Variants in WSCD1 observed in about 807,000 individuals in gnomAD.
WSCD1 encodes WSC domain sialate O sulfotransferase 1.
Under a neutral mutation model 60.4 loss-of-function variants are expected in WSCD1, and 41 were observed. The observed-to-expected ratio is 0.68, with a 90% CI of 0.53 to 0.88. WSCD1 has a LOEUF of 0.88. Among genes scored for constraint, WSCD1 ranks in the 40% least tolerant of loss-of-function variants. The pLI, the probability that WSCD1 is intolerant of heterozygous loss-of-function variation, is 0.00. For missense variants in WSCD1, 784 were observed against 796.2 expected (o/e 0.98, Z 0.18); for synonymous variants, 361 against 332.5 (o/e 1.09, Z -0.93).
intron 2 of WSCD1, among the ~76,000 whole-genome samples, chr17:6,081,573 T>C (rs547840058): frequency 6.6e-6 from 1 of 151,834 alleles, no homozygotes; most frequent in South Asian, 2.1e-4. Flanking sequence ...TAGCCGGGTG[T>C]GGTGGCGCAT....
chr17:6,088,071 CTG>C lies in WSCD1; in HGVS notation c.511_512del (p.Val171LeufsTer9), dbSNP rs1567552571. ...GTGTTTTATGACTTGAGAAAGATGA[CTG>C]TCTCCCACTGCCAGGATGCGTGTGC... is the stretch of plus-strand genomic sequence containing the variant. On this transcript the variant is annotated frameshift_variant, in exon 3 of 9. Transcript: ENST00000317744. LOFTEE classifies it high-confidence loss of function. 6.2e-7 allele frequency: 1 copy of C among 1,614,212 alleles called. No individual in the cohort carries two copies. The highest frequency in any genetic ancestry group is 8.5e-7 in the Non-Finnish European group (1 of 1,180,030).
At chr17:6,093,951 G>A (rs1910220383) in intron 4 of WSCD1, among the ~76,000 whole-genome samples, 2 of 152,212 alleles carry the variant, frequency 1.3e-5, no homozygotes, top group South Asian at 4.1e-4. Flanking sequence ...AGGTGCTGTG[G>A]TCAGTTGAGA....
intron 1 of WSCD1, among the ~76,000 whole-genome samples, chr17:6,077,750 G>A (rs1169395760): frequency 3.3e-5 from 5 of 152,152 alleles, no homozygotes; most frequent in African/African-American, 7.2e-5. Context: ...TCAAAATTCC[G>A]AATTGTTGAA....
At chr17:6,116,400 TCACACACA>T (rs33955613) in intron 7 of WSCD1, among the ~76,000 whole-genome samples, 1 of 150,510 alleles carries the variant, frequency 6.6e-6, no homozygotes, top group Non-Finnish European at 1.5e-5. Context: ...GACAGAGTGA[TCACACACA>T]CACACACACA....
At chr17:6,076,323 A>T (rs771232772) in intron 1 of WSCD1, among the ~76,000 whole-genome samples, 9 of 152,170 alleles carry the variant, frequency 5.9e-5, no homozygotes, top group Non-Finnish European at 1.3e-4. Context: ...CACACTGCAA[A>T]TGCTTCATAA....
Position 6,118,201 on chromosome 17 carries a change from C to T in WSCD1, c.1375+13C>T, listed in dbSNP as rs1188218025. 8.1e-6 allele frequency: 13 copies of T among 1,612,958 alleles called. No homozygotes were observed. The highest frequency in any genetic ancestry group is 5.0e-5 in the Admixed American group (3 of 59,966). ...TGGAAGAGCAAAGGTAATCAAGGAC[C>T]TTGCGGTGGGGGTGGGAGGCTTGTC... On this transcript the variant is annotated intron_variant, in intron 8 of 8. Coordinates refer to ENST00000317744, the MANE Select transcript of WSCD1 (RefSeq NM_015253.2). The surrounding 1 kb of genome is among the most constrained non-coding windows in gnomAD (Gnocchi z 5.8).
chr17:6,102,221 T>C (rs1157147491), intron 5 of WSCD1, among the ~76,000 whole-genome samples: 1 of 152,242 alleles, frequency 6.6e-6, no homozygotes, highest in Non-Finnish European at 1.5e-5. Context: ...TGGAAAAGCA[T>C]GCATTAATAT....
At chr17:6,078,399 G>A (rs1331509391) in intron 1 of WSCD1, among the ~76,000 whole-genome samples, 1 of 152,226 alleles carries the variant, frequency 6.6e-6, no homozygotes, top group African/African-American at 2.4e-5. Context: ...CTTCAGGGAA[G>A]CTTTCTCTGA....
At chr17:6,087,791 G>T (rs1909755304) in intron 2 of WSCD1, among the ~76,000 whole-genome samples, 199 bp from the exon 3 acceptor site, 1 of 152,240 alleles carries the variant, frequency 6.6e-6, no homozygotes, top group Non-Finnish European at 1.5e-5. Flanking sequence ...GAGAAAATGG[G>T]CAGGAAACAA....
rs546183293 is a variant in WSCD1, at chr17:6,080,949, C to T, written c.291C>T (p.Pro97=). 101 of 1,563,552 alleles carry T rather than the reference C, an allele frequency of 6.5e-5. No homozygotes were observed. Among genetic ancestry groups the T allele is most frequent in the Admixed American group, 2.1e-4 (11 of 52,930 alleles). ...MLQSPLTRPR[P]GPRWLRSRNS... ...AGAGCCCCCTGACCCGGCCCCGGCC[C>T]GGCCCCCGCTGGCTCCGGAGCCGCA... is the stretch of plus-strand genomic sequence containing the variant. Residue 97 remains proline, a synonymous_variant, in exon 2 of 9, where the codon CCC becomes CCT. Coordinates refer to ENST00000317744, the MANE Select transcript of WSCD1 (RefSeq NM_015253.2). This position sits in a 1 kb window ranked among gnomAD's most constrained non-coding sequence, Gnocchi z 6.6.
rs1198682275 is a variant in WSCD1, at chr17:6,088,018, T to C, written c.456T>C (p.Asp152=). 6.2e-7 allele frequency: 1 copy of C among 1,614,148 alleles called. No homozygotes were observed. The highest frequency in any genetic ancestry group is 1.1e-5 in the South Asian group (1 of 91,088). The change falls in exon 3 of 9, where the codon GAT becomes GAC. Residue 152 remains aspartate, a synonymous_variant. Transcript: ENST00000317744. Reference sequence around the variant, plus strand: ...CCTACATTGGATGCTTCAGTGACGATGGCCACGAGAGGACTCTGAAAGGAG... The same window carrying C: ...CCTACATTGGATGCTTCAGTGACGACGGCCACGAGAGGACTCTGAAAGGAG... The part of the protein sequence containing the change: ...RGTYIGCFSD[D]GHERTLKGAV...
At chr17:6,091,770 G>A (rs1910057928) in intron 4 of WSCD1, among the ~76,000 whole-genome samples, 1 of 152,154 alleles carries the variant, frequency 6.6e-6, no homozygotes, top group African/African-American at 2.4e-5. Flanking sequence ...CACAGCCCAG[G>A]GTCCAGGCTC....
At chr17:6,095,862 G>A (rs890495969) in intron 5 of WSCD1, among the ~76,000 whole-genome samples, 1 of 152,208 alleles carries the variant, frequency 6.6e-6, no homozygotes. Flanking sequence ...TCGGGCTGGA[G>A]TCAGGCAGAC....
intron 7 of WSCD1, among the ~76,000 whole-genome samples, chr17:6,116,987 T>G (rs189294883): frequency 1.3e-5 from 2 of 152,364 alleles, no homozygotes; most frequent in Admixed American, 1.3e-4. Flanking sequence ...TTGGGATCCC[T>G]GCTCTTTGTT....
chr17:6,114,526 G>A (rs1040828539), intron 7 of WSCD1, among the ~76,000 whole-genome samples: 1 of 152,104 alleles, frequency 6.6e-6, no homozygotes, highest in South Asian at 2.1e-4. Flanking sequence ...TCAAAGAAAT[G>A]ATAAATGTTT....
Position 6,120,767 on chromosome 17 carries a change from G to A in WSCD1, c.*106G>A. ...CCGTGGCCTCACTGGGACGAACGGT[G>A]GGTGGGGGGCTCACCCTGGTGCTGC... On this transcript the variant is annotated 3_prime_UTR_variant, in exon 9 of 9. Transcript: ENST00000317744. 8.1e-7 allele frequency: 1 copy of A among 1,241,494 alleles called. No individual in the cohort carries two copies. Among genetic ancestry groups the A allele is most frequent in the Middle Eastern group, 2.5e-4 (1 of 3,922 alleles). 76.9% of individuals were successfully genotyped at this position (1,241,494 alleles called of 1,614,324 possible).
chr17:6,072,812 C>T (rs749463378), intron 1 of WSCD1, among the ~76,000 whole-genome samples: 1 of 152,158 alleles, frequency 6.6e-6, no homozygotes, highest in Non-Finnish European at 1.5e-5. Flanking sequence ...TGCTGACATA[C>T]GGCCTGAAAA....
intron 5 of WSCD1, among the ~76,000 whole-genome samples, chr17:6,096,458 G>A (rs1003609397): frequency 6.6e-6 from 1 of 151,972 alleles, no homozygotes; most frequent in Non-Finnish European, 1.5e-5. Flanking sequence ...GAACAAGGGG[G>A]CTGGACACCT....
In WSCD1 at chr17:6,075,141, C is replaced by T. The variant is rs555153915; in HGVS notation, c.-289+4489C>T. Among the ~76,000 whole-genome samples the T allele has an allele frequency of 5.3e-5, 8 of 152,300 alleles. No individual in the cohort carries two copies. Among genetic ancestry groups the T allele is most frequent in the Admixed American group, 2.6e-4 (4 of 15,302 alleles). On this transcript the variant is annotated intron_variant, in intron 1 of 8. Coordinates refer to ENST00000317744, the MANE Select transcript of WSCD1 (RefSeq NM_015253.2). The surrounding 1 kb of genome is among the most constrained non-coding windows in gnomAD (Gnocchi z 4.1). ...GCAACGTTCTGGGCCCTATTCTTGTCGCTGGGGCTCCTGCCCTGCAAAGAG... is the reference window on the plus strand; with the variant it reads ...GCAACGTTCTGGGCCCTATTCTTGTTGCTGGGGCTCCTGCCCTGCAAAGAG...
Sources: allele counts gnomAD v4.1 joint callset (sites outside exome capture counted in the v4.1 genomes callset), GRCh38; gene constraint gnomAD v4.1.1; non-coding constraint Gnocchi (gnomAD v3.1); transcripts MANE v1.5; gene names NCBI Gene and HGNC (gene_info 2026-07-23, HGNC 2026-07-21).